The following COL23A1 variants were observed in gnomAD, a reference collection of about 807,000 sequenced individuals.
COL23A1 encodes collagen type XXIII alpha 1 chain, also known as collagen alpha-1(XXIII) chain.
COL23A1 carries 97 observed loss-of-function variants against 99.3 expected under a neutral mutation model. That is an observed-to-expected ratio of 0.98 (90% CI 0.83 to 1.16). COL23A1 has a LOEUF of 1.16. Among genes scored for constraint, COL23A1 ranks in the 50% most tolerant of loss-of-function variants. The pLI is 0.00. For missense variants in COL23A1, 762 were observed against 757.4 expected (o/e 1.01, Z -0.07); for synonymous variants, 320 against 308.2 (o/e 1.04, Z -0.40).
intron 5 of COL23A1, among the ~76,000 whole-genome samples, chr5:178,270,941 T>C (rs767623458): frequency 6.6e-6 from 1 of 152,256 alleles, no homozygotes. Flanking sequence ...CCAGCTTGAA[T>C]TGAGCTCCTG....
chr5:178,471,925 G>A lies in COL23A1; in HGVS notation c.361+88757C>T, dbSNP rs972693940. On this transcript the variant is annotated intron_variant, in intron 2 of 28. Coordinates refer to ENST00000390654, the MANE Select transcript of COL23A1 (RefSeq NM_173465.4). ...CCCCATATGGTCCTGTTGTGCTGTCGAATCGTCAGTAAGAAACTCTTCTTT... is the reference window on the plus strand; with the variant it reads ...CCCCATATGGTCCTGTTGTGCTGTCAAATCGTCAGTAAGAAACTCTTCTTT... Among the ~76,000 whole-genome samples, 7 of 152,086 alleles carry A rather than the reference G, an allele frequency of 4.6e-5. No homozygotes were observed. The South Asian group carries it at 1.0e-3, about 22-fold the overall frequency.
chr5:178,343,819 C>T (rs116433374), intron 2 of COL23A1, among the ~76,000 whole-genome samples: 3,044 of 152,028 alleles, frequency 0.02, 38 homozygotes, highest in South Asian at 0.044. Context: ...CACGCCACCA[C>T]GGCCCACTAA....
chr5:178,319,692 G>A (rs1295739950), intron 2 of COL23A1, among the ~76,000 whole-genome samples: 1 of 152,230 alleles, frequency 6.6e-6, no homozygotes, highest in Non-Finnish European at 1.5e-5. Context: ...TGAGGGAAGA[G>A]TGCAGCAGCC....
chr5:178,526,764 TACAGCCCC>T (rs1760334214), intron 2 of COL23A1, among the ~76,000 whole-genome samples: 3 of 152,158 alleles, frequency 2.0e-5, no homozygotes, highest in Non-Finnish European at 4.4e-5. Flanking sequence ...AAACTCAGAC[TACAGCCCC>T]CAGTGTTCCC....
At chr5:178,548,614 G>T (rs1223335231) in intron 2 of COL23A1, among the ~76,000 whole-genome samples, 1 of 149,888 alleles carries the variant, frequency 6.7e-6, no homozygotes, top group Non-Finnish European at 1.5e-5. Flanking sequence ...GTGCAGTGGC[G>T]CAATCTCGGC....
intron 2 of COL23A1, among the ~76,000 whole-genome samples, chr5:178,433,878 G>C (rs1167206318): frequency 6.6e-6 from 1 of 152,192 alleles, no homozygotes. Context: ...GAGGTCGTGT[G>C]TCCTAATCCA....
At chr5:178,262,382 A>G in intron 9 of COL23A1, 130 bp from the exon 10 acceptor site, 1 of 823,334 alleles carries the variant, frequency 1.2e-6, no homozygotes, top group South Asian at 1.6e-5. Context: ...AAACCTGAAG[A>G]GCGAGTATCA....
At chr5:178,549,289 C>T (rs920633457) in intron 2 of COL23A1, among the ~76,000 whole-genome samples, 19 of 150,966 alleles carry the variant, frequency 1.3e-4, no homozygotes, top group African/African-American at 3.7e-4. Flanking sequence ...CCACCATGCC[C>T]GGACCCATAC....
intron 2 of COL23A1, among the ~76,000 whole-genome samples, chr5:178,381,527 T>C (rs1016734657): frequency 4.6e-5 from 7 of 152,172 alleles, no homozygotes; most frequent in African/African-American, 1.7e-4. Context: ...CATCTATCCA[T>C]GCATTTGTGT....
intron 3 of COL23A1, among the ~76,000 whole-genome samples, chr5:178,301,799 T>C (rs554580089): frequency 1.2e-4 from 18 of 152,288 alleles, no homozygotes; most frequent in Admixed American, 5.9e-4. Context: ...TCCACCTCTG[T>C]GTGCGCCGGA....
chr5:178,465,061 A>G (rs990989471), intron 2 of COL23A1, among the ~76,000 whole-genome samples: 3 of 152,200 alleles, frequency 2.0e-5, no homozygotes, highest in African/African-American at 7.2e-5. Flanking sequence ...AGTTCACTTG[A>G]TTTAAAAATC....
In COL23A1 at chr5:178,339,053, G is replaced by A. The variant is rs1760509309; in HGVS notation, c.362-32134C>T. ...TTCCAGCCTCCAGAGGAGTGCTCAT[G>A]TGTCCTCCCCTTGAACACTTCCCCT... On this transcript the variant is annotated intron_variant, in intron 2 of 28. Coordinates refer to ENST00000390654, the MANE Select transcript of COL23A1 (RefSeq NM_173465.4). 2.6e-5 allele frequency among the ~76,000 whole-genome samples: 4 copies of A among 152,192 alleles called. No individual in the cohort carries two copies. The South Asian group carries it at 6.2e-4, about 24-fold the overall frequency.
chr5:178,562,147 C>T, intron 1 of COL23A1: 1 of 501,378 alleles, frequency 2.0e-6, no homozygotes, highest in African/African-American at 1.9e-5. Context: ...GAGACTGAGG[C>T]TGGAGAACTG....
intron 2 of COL23A1, among the ~76,000 whole-genome samples, chr5:178,389,759 T>A (rs1314697062): frequency 6.6e-6 from 1 of 152,230 alleles, no homozygotes; most frequent in Non-Finnish European, 1.5e-5. Flanking sequence ...CCATGTCACA[T>A]GGCTTCTCCC....
intron 5 of COL23A1, among the ~76,000 whole-genome samples, chr5:178,274,928 C>T (rs1756501439): frequency 6.6e-6 from 1 of 152,172 alleles, no homozygotes; most frequent in Non-Finnish European, 1.5e-5. Context: ...TGTTTACAAG[C>T]CTTGGTTCTG....
At chr5:178,288,207 C>T (rs1388072527) in intron 5 of COL23A1, 117 bp downstream of exon 5, 16 of 944,116 alleles carry the variant, frequency 1.7e-5, no homozygotes, top group South Asian at 8.9e-5. Context: ...AGAAAGACCA[C>T]GGCTGCTGAG....
chr5:178,252,783 G>A (rs1375961670), intron 16 of COL23A1, among the ~76,000 whole-genome samples, 186 bp from the exon 17 acceptor site: 1 of 152,212 alleles, frequency 6.6e-6, no homozygotes, highest in South Asian at 2.1e-4. Context: ...TGGCCTCCCA[G>A]GCTTGGGGGA....
chr5:178,511,474 G>C (rs1307577115), intron 2 of COL23A1, among the ~76,000 whole-genome samples: 1 of 152,228 alleles, frequency 6.6e-6, no homozygotes, highest in Non-Finnish European at 1.5e-5. Flanking sequence ...AGACTCTGCA[G>C]AATGCAATGG....
intron 25 of COL23A1, among the ~76,000 whole-genome samples, chr5:178,243,474 T>G (rs1581433061): frequency 7.3e-6 from 1 of 137,164 alleles, no homozygotes; most frequent in Non-Finnish European, 1.5e-5. Flanking sequence ...GTGGACAGAG[T>G]GAGACTCCAT....
Sources: allele counts gnomAD v4.1 joint callset (sites outside exome capture counted in the v4.1 genomes callset), GRCh38; gene constraint gnomAD v4.1.1; transcripts MANE v1.5; gene names NCBI Gene and HGNC (gene_info 2026-07-23, HGNC 2026-07-21).